The following CWC27 variants were observed in gnomAD, a reference collection of about 807,000 sequenced individuals.
CWC27 encodes the protein CWC27 spliceosome associated cyclophilin.
Under a neutral mutation model 63.6 loss-of-function variants are expected in CWC27, and 47 were observed. The ratio of observed to expected loss-of-function variants is 0.74; its 90% CI spans 0.58 to 0.94. The LOEUF (loss-of-function observed/expected upper bound fraction) is 0.94, where lower values mean the gene tolerates loss of function less well. Among genes scored for constraint, CWC27 ranks in the 40% least tolerant of loss-of-function variants. The pLI is 0.00. For synonymous variants in CWC27, 175 were observed against 179.8 expected (o/e 0.97, Z 0.22); for missense variants, 495 against 554.3 (o/e 0.89, Z 1.07).
intron 11 of CWC27, among the ~76,000 whole-genome samples, chr5:64,910,468 C>T (rs1269631510): frequency 1.3e-5 from 2 of 152,226 alleles, no homozygotes; most frequent in African/African-American, 4.8e-5. Flanking sequence ...CTGGGACAAC[C>T]ACTGCTCTCT....
intron 1 of CWC27, among the ~76,000 whole-genome samples, chr5:64,773,279 A>G (rs997203542): frequency 6.6e-6 from 1 of 152,230 alleles, no homozygotes; most frequent in African/African-American, 2.4e-5. Context: ...CAAGACATTT[A>G]AAAACTAGAT....
chr5:64,784,755 T>C (rs2125612), intron 4 of CWC27, among the ~76,000 whole-genome samples: 89,282 of 152,048 alleles, frequency 0.59, 27,001 homozygotes, highest in East Asian at 0.86. Flanking sequence ...ACACTAAAAC[T>C]ATATGTTGCA....
At chr5:64,998,008 T>G (rs1272296784) in intron 13 of CWC27, among the ~76,000 whole-genome samples, 2 of 152,182 alleles carry the variant, frequency 1.3e-5, no homozygotes, top group Non-Finnish European at 2.9e-5. Context: ...AAATAGGTCG[T>G]TGTCAGAGTT....
intron 10 of CWC27, among the ~76,000 whole-genome samples, chr5:64,813,919 T>C (rs1744955890): frequency 6.6e-6 from 1 of 152,128 alleles, no homozygotes. Context: ...TGATTTTATT[T>C]TTGCTATCTC....
intron 6 of CWC27, among the ~76,000 whole-genome samples, chr5:64,787,615 T>C (rs1394169141): frequency 6.6e-6 from 1 of 151,952 alleles, no homozygotes; most frequent in African/African-American, 2.4e-5. Flanking sequence ...TCTGGTTTAT[T>C]TCCAGAAGAT....
intron 10 of CWC27, among the ~76,000 whole-genome samples, chr5:64,847,012 G>A (rs78541087): frequency 0.014 from 1,721 of 122,668 alleles, 20 homozygotes; most frequent in African/African-American, 0.042. Flanking sequence ...AAAAAAAAAA[G>A]AAAAAGGAAA....
chr5:64,903,709 A>G (rs1046388355), intron 11 of CWC27, among the ~76,000 whole-genome samples: 2 of 152,170 alleles, frequency 1.3e-5, no homozygotes, highest in African/African-American at 4.8e-5. Flanking sequence ...ATAAAAATAA[A>G]AAAAGAAATT....
intron 11 of CWC27, among the ~76,000 whole-genome samples, chr5:64,918,429 C>T (rs1177419893): frequency 6.6e-6 from 1 of 151,794 alleles, no homozygotes; most frequent in African/African-American, 2.4e-5. Context: ...AGTATTCTTG[C>T]CACAAATAAA....
intron 10 of CWC27, among the ~76,000 whole-genome samples, chr5:64,843,589 ATAT>A (rs1745900657): frequency 6.6e-6 from 1 of 152,198 alleles, no homozygotes; most frequent in Admixed American, 6.5e-5. Context: ...TTAAAATATA[ATAT>A]TATGTAAATG....
At chr5:64,859,136 G>A (rs1561437314) in intron 10 of CWC27, among the ~76,000 whole-genome samples, 1 of 152,202 alleles carries the variant, frequency 6.6e-6, no homozygotes, top group Admixed American at 6.5e-5. Context: ...AAAATACTTT[G>A]TGTTGAGTGA....
intron 11 of CWC27, among the ~76,000 whole-genome samples, chr5:64,925,367 T>C (rs1441008606): frequency 6.6e-6 from 1 of 152,226 alleles, no homozygotes; most frequent in Middle Eastern, 3.2e-3. Flanking sequence ...TTTGTTCCAT[T>C]CTGAGTCATG....
At chr5:64,942,749 C>T (rs913687259) in intron 11 of CWC27, among the ~76,000 whole-genome samples, 34 of 152,286 alleles carry the variant, frequency 2.2e-4, no homozygotes, top group African/African-American at 7.9e-4. Context: ...GCTACTTACT[C>T]GTTACTGTAG....
intron 10 of CWC27, among the ~76,000 whole-genome samples, chr5:64,838,284 A>C (rs920017114): frequency 6.6e-6 from 1 of 152,168 alleles, no homozygotes; most frequent in South Asian, 2.1e-4. Context: ...TGTTTTTAGA[A>C]GTAAAGTCAG....
chr5:65,012,003 G>T (rs891921718), intron 13 of CWC27, among the ~76,000 whole-genome samples: 3 of 152,138 alleles, frequency 2.0e-5, no homozygotes, highest in African/African-American at 7.2e-5. Flanking sequence ...AAAGAGTTGT[G>T]CCTTTTCCCA....
At chr5:64,965,140 C>T (rs577557969) in intron 11 of CWC27, among the ~76,000 whole-genome samples, 1 of 152,122 alleles carries the variant, frequency 6.6e-6, no homozygotes, top group Non-Finnish European at 1.5e-5. Context: ...TAGAAGCTGT[C>T]GCTCTCTTTA....
chr5:64,998,507 C>T (rs1287171434), intron 13 of CWC27, among the ~76,000 whole-genome samples: 3 of 152,220 alleles, frequency 2.0e-5, no homozygotes, highest in Middle Eastern at 3.4e-3. Context: ...TTGAAACCTA[C>T]GTCTTTCATA....
intron 10 of CWC27, among the ~76,000 whole-genome samples, chr5:64,843,939 C>A (rs994626115): frequency 1.7e-4 from 26 of 152,144 alleles, no homozygotes; most frequent in Admixed American, 9.8e-4. Context: ...CACCCCGCAG[C>A]CCCGACCCAC....
At chr5:64,810,786 G>A (rs191063354) in intron 10 of CWC27, among the ~76,000 whole-genome samples, 1 of 152,000 alleles carries the variant, frequency 6.6e-6, no homozygotes, top group Admixed American at 6.6e-5. Flanking sequence ...TTATTTCTGA[G>A]GTATAGAATA....
chr5:64,827,055 C>G (rs73101343), intron 10 of CWC27, among the ~76,000 whole-genome samples: 1,650 of 152,198 alleles, frequency 0.011, 25 homozygotes, highest in African/African-American at 0.038. Flanking sequence ...TTCTTTTAAA[C>G]AAGCGCATTG....
Sources: gnomAD v4.1 joint callset for allele counts (sites outside exome capture counted in the v4.1 genomes callset) on GRCh38, gnomAD v4.1.1 for gene constraint, MANE v1.5 for transcripts, NCBI Gene and HGNC (gene_info 2026-07-23, HGNC 2026-07-21) for gene names.